The following SZT2 variants were observed in gnomAD, a reference collection of about 807,000 sequenced individuals.
The protein encoded by SZT2 is SZT2 subunit of KICSTOR complex.
In SZT2, 216 loss-of-function variants were observed where a neutral mutation model predicts 404.2. The ratio of observed to expected loss-of-function variants is 0.53; its 90% CI spans 0.48 to 0.60. The LOEUF (loss-of-function observed/expected upper bound fraction) is 0.60, where lower values mean the gene tolerates loss of function less well. Ranked by LOEUF, SZT2 falls within the 20% of genes least tolerant of loss-of-function variation. SZT2 has a pLI of 0.00. For missense variants in SZT2, 3,857 were observed against 4,459.2 expected (o/e 0.86, Z 3.85); for synonymous variants, 1,693 against 1,749.9 (o/e 0.97, Z 0.81).
rs775666419 is a variant in SZT2, at chr1:43,451,866, A to AG, written c.*1390dup. 6 of 1,613,916 alleles carry AG rather than the reference A, an allele frequency of 3.7e-6. No homozygotes were observed. The African/African-American group carries it at 8.0e-5, about 22-fold the overall frequency. ...GCTGCCGCTGTAAGAGAAGCCAGGG[A>AG]GGGGACCGTGAGCCTCAAGAGCACA... On this transcript the variant is annotated 3_prime_UTR_variant, in exon 72 of 72. Transcript: ENST00000634258.
rs1422595186 is a variant in SZT2, at chr1:43,422,553, T to A, written c.1843T>A (p.Ser615Thr). 3.1e-6 allele frequency: 5 copies of A among 1,597,952 alleles called. No individual in the cohort carries two copies. In the East Asian group the frequency reaches 1.1e-4, roughly 36 times the overall value. ...YSTIQCRISH[S>T]SLTSLLRDWS... ...CACTATCCAGTGCAGGATCTCCCAC[T>A]CCTCCCTGACCTCTCTGCTGCGGGA... The change falls in exon 13 of 72, where the codon TCC becomes ACC. Residue 615 changes from serine to threonine, a missense_variant. Coordinates refer to ENST00000634258, the MANE Select transcript of SZT2 (RefSeq NM_001365999.1).
chr1:43,416,024 C>T lies in SZT2; in HGVS notation c.695C>T (p.Thr232Ile). 1 of 1,598,428 alleles carries T rather than the reference C, an allele frequency of 6.3e-7. No homozygotes were observed. ...CGGAAGGTAGGCGTCTCCATGGTGA[C>T]AGCTGATCTTGGGCTGGTCAGTATG... ...LGRKVGVSMV[T>I]ADLGLVSMIR... is the part of the protein sequence containing the mutation. The change falls in exon 6 of 72, where the codon ACA becomes ATA. Residue 232 changes from threonine (T) to isoleucine (I), a missense_variant. Coordinates refer to ENST00000634258, the MANE Select transcript of SZT2 (RefSeq NM_001365999.1).
chr1:43,418,048 C>T (rs531707819), intron 7 of SZT2, among the ~76,000 whole-genome samples: 3 of 152,066 alleles, frequency 2.0e-5, no homozygotes, highest in Admixed American at 6.6e-5. Context: ...ATGAAAAGTG[C>T]CCTTTGGATT....
chr1:43,422,444 T>C, intron 12 of SZT2, 36 bp from the exon 13 acceptor site: 1 of 1,532,922 alleles, frequency 6.5e-7, no homozygotes, highest in Admixed American at 2.0e-5. Context: ...GCCTGGGGCC[T>C]GGAGGTCTAA....
intron 4 of SZT2, among the ~76,000 whole-genome samples, chr1:43,407,960 G>A (rs1189761721): frequency 6.7e-6 from 1 of 149,946 alleles, no homozygotes; most frequent in African/African-American, 2.5e-5. Context: ...AGCCTCCCGA[G>A]TAGCTGGGAC....
chr1:43,419,848 G>A lies in SZT2; in HGVS notation c.994G>A (p.Glu332Lys). The A allele has an allele frequency of 6.3e-7, 1 of 1,598,474 alleles. No individual in the cohort carries two copies. Among genetic ancestry groups the A allele is most frequent in the Non-Finnish European group, 8.5e-7 (1 of 1,179,812 alleles). ...CTACCTGTCCACTTGTCCTGAGCCGGAGCCAGGCAACCTGGGTCTGACTGT... is the reference window on the plus strand; with the variant it reads ...CTACCTGTCCACTTGTCCTGAGCCGAAGCCAGGCAACCTGGGTCTGACTGT... ...GSYLSTCPEPEPGNLGLTVYH... is the reference protein window; with the variant it reads ...GSYLSTCPEPKPGNLGLTVYH... The change falls in exon 8 of 72, where the codon GAG becomes AAG. Residue 332 changes from glutamate to lysine, a missense_variant. Glu to Lys is a moderately conservative substitution (Grantham distance 56). Transcript: ENST00000634258.
Position 43,440,167 on chromosome 1 carries a change from C to T in SZT2, c.7210+119C>T, listed in dbSNP as rs528831272. On this transcript the variant is annotated intron_variant, in intron 51 of 71. Coordinates refer to ENST00000634258, the MANE Select transcript of SZT2 (RefSeq NM_001365999.1). ...GAAGCATGTCAGAGAACTACTACAT[C>T]AGAACCACTTATTCACAGTTGTCCG... 6.9e-5 allele frequency: 94 copies of T among 1,368,562 alleles called. No individual in the cohort carries two copies. In the South Asian group the frequency reaches 1.3e-3, roughly 18 times the overall value. The allele number at this position is 1,368,562 out of a possible 1,614,324, so 84.8% of individuals were successfully genotyped here. A position where few individuals can be genotyped will look rare whatever the true frequency, so the allele number is the denominator to read the frequency against.
intron 1 of SZT2, among the ~76,000 whole-genome samples, chr1:43,395,630 A>G (rs1173053134): frequency 1.3e-5 from 2 of 152,202 alleles, no homozygotes; most frequent in African/African-American, 4.8e-5. Context: ...CCACATTCTT[A>G]TCCTTCGGAG....
intron 4 of SZT2, among the ~76,000 whole-genome samples, chr1:43,413,154 C>T (rs1261367288): frequency 6.6e-6 from 1 of 152,154 alleles, no homozygotes; most frequent in East Asian, 1.9e-4. Context: ...GTAATCCCAG[C>T]ACTTTGGGAG....
At chr1:43,392,915 G>T (rs1648572536) in intron 1 of SZT2, among the ~76,000 whole-genome samples, 1 of 152,182 alleles carries the variant, frequency 6.6e-6, no homozygotes, top group African/African-American at 2.4e-5. Flanking sequence ...ACGAGTGCTG[G>T]TAGGAGTCAG....
intron 66 of SZT2, 100 bp from the exon 67 acceptor site, chr1:43,447,445 T>C: frequency 6.7e-7 from 1 of 1,488,000 alleles, no homozygotes; most frequent in Non-Finnish European, 9.0e-7. Context: ...CCACTCTGCC[T>C]GCCAGTCAGA....
At position 43,451,572 on chromosome 1, in the gene SZT2, G is replaced by C. The variant is rs1656426613; in HGVS notation, c.*1092G>C. The C allele has an allele frequency of 6.2e-7, 1 of 1,613,450 alleles. No homozygotes were observed. Among genetic ancestry groups the C allele is most frequent in the African/African-American group, 1.3e-5 (1 of 74,904 alleles). ...GGGGACAGATGTGGACAAATGTGGG[G>C]TCCAGGCTCCTGCCAGGGCCTGAAG... On this transcript the variant is annotated 3_prime_UTR_variant, in exon 72 of 72. Transcript: ENST00000634258.
chr1:43,452,046 C>T lies in SZT2; in HGVS notation c.*1566C>T, dbSNP rs750193531. Reference sequence around the variant, plus strand: ...CATGTCGGGTGCTGTGAATAGAGCTCCTTCCCAAGTTTGTCCCCCATCAGT... The same window carrying T: ...CATGTCGGGTGCTGTGAATAGAGCTTCTTCCCAAGTTTGTCCCCCATCAGT... On this transcript the variant is annotated 3_prime_UTR_variant, in exon 72 of 72. Transcript: ENST00000634258. 5.1e-6 allele frequency: 8 copies of T among 1,584,136 alleles called. No individual in the cohort carries two copies. The highest frequency in any genetic ancestry group is 6.9e-6 in the Non-Finnish European group (8 of 1,161,106).
chr1:43,414,345 T>G (rs1163717120), intron 4 of SZT2, among the ~76,000 whole-genome samples: 2 of 152,182 alleles, frequency 1.3e-5, no homozygotes, highest in African/African-American at 2.4e-5. Flanking sequence ...GATTTAATTG[T>G]TATACATTGT....
At position 43,429,350 on chromosome 1, in the gene SZT2, A is replaced by G. The variant is rs1557563642; in HGVS notation, c.4167-353A>G. 4.5e-5 allele frequency: 10 copies of G among 221,888 alleles called. No homozygotes were observed. In the East Asian group the frequency reaches 7.1e-4, roughly 16 times the overall value. 13.7% of individuals were successfully genotyped at this position (221,888 alleles called of 1,614,324 possible). ...GAGTTCAAGACCAGCCTGAGCAACC[A>G]GGGGAGACCTTGTTTCTACAAAAGA... On this transcript the variant is annotated intron_variant, in intron 28 of 71. Coordinates refer to ENST00000634258, the MANE Select transcript of SZT2 (RefSeq NM_001365999.1).
rs527646105 is a variant in SZT2 at position 43,448,752 on chromosome 1, G to A, written c.10086+24G>A. 6.3e-7 allele frequency: 1 copy of A among 1,598,218 alleles called. No individual in the cohort carries two copies. Among genetic ancestry groups the A allele is most frequent in the South Asian group, 1.1e-5 (1 of 90,784 alleles). ...TGGTAAGTCCCCTTGAGCTTCCTCT[G>A]AAAAGGGAAACACAGCAGAAATCCT... On this transcript the variant is annotated intron_variant, in intron 70 of 71. Transcript: ENST00000634258. The surrounding 1 kb of genome is among the most constrained non-coding windows in gnomAD (Gnocchi z 4.2).
chr1:43,404,275 T>A (rs1650031905), intron 3 of SZT2, 105 bp from the exon 4 acceptor site: 2 of 958,798 alleles, frequency 2.1e-6, no homozygotes, highest in African/African-American at 3.3e-5. Context: ...GGGTGTGCGA[T>A]CATCCATAAG....
At position 43,437,497 on chromosome 1, in the gene SZT2, GTAC is replaced by G. The variant is rs780283792; in HGVS notation, c.6282_6284del (p.Tyr2095del). Reference sequence around the variant, plus strand: ...ACCAGGAGCGAGCAACAAAGGCTGTGTACTATCTTCGGTATGTGGCCCTTGGAA... The same window carrying G: ...ACCAGGAGCGAGCAACAAAGGCTGTGTATCTTCGGTATGTGGCCCTTGGAA... On this transcript the variant is annotated inframe_deletion, in exon 44 of 72. Transcript: ENST00000634258. The surrounding 1 kb of genome is among the most constrained non-coding windows in gnomAD (Gnocchi z 5.3). The G allele has an allele frequency of 3.1e-6, 5 of 1,614,154 alleles. No homozygotes were observed. In the Admixed American group the frequency reaches 8.3e-5, roughly 27 times the overall value.
intron 3 of SZT2, 78 bp downstream of exon 3, chr1:43,403,852 A>C: frequency 6.7e-7 from 1 of 1,494,686 alleles, no homozygotes; most frequent in Non-Finnish European, 9.3e-7. Flanking sequence ...TGGGGAAGTG[A>C]AAAATGGTCC....
Sources: allele counts gnomAD v4.1 joint callset (sites outside exome capture counted in the v4.1 genomes callset), GRCh38; gene constraint gnomAD v4.1.1; non-coding constraint Gnocchi (gnomAD v3.1); transcripts MANE v1.5; gene names NCBI Gene and HGNC (gene_info 2026-07-23, HGNC 2026-07-21).